The following HLF variants were observed in gnomAD, a reference collection of about 807,000 sequenced individuals.
The protein encoded by HLF is HLF transcription factor, PAR bZIP family member.
HLF carries 3 observed loss-of-function variants against 22.6 expected under a neutral mutation model. That is an observed-to-expected ratio of 0.13 (90% CI 0.06 to 0.34). The LOEUF (loss-of-function observed/expected upper bound fraction) is 0.34. Among genes scored for constraint, HLF ranks in the 10% least tolerant of loss-of-function variants. The pLI is 1.00. For synonymous variants in HLF, 151 were observed against 151.8 expected, an observed-to-expected ratio of 0.99 and a Z score of 0.04; for missense variants, 299 against 389.2, an observed-to-expected ratio of 0.77 and a Z score of 1.95.
At chr17:55,310,186 C>T (rs1176957605) in intron 2 of HLF, among the ~76,000 whole-genome samples, 3 of 152,118 alleles carry the variant, frequency 2.0e-5, no homozygotes, top group Non-Finnish European at 4.4e-5. Context: ...CTCCTTGGTT[C>T]TTCTGGAAGT....
In HLF at chr17:55,324,908, G is replaced by C; in HGVS notation, c.*4029G>C. ...CATAACAATAATCCATTATCCTTTT[G>C]GCAACACCACAAAGATCGCATCTGT... On this transcript the variant is annotated 3_prime_UTR_variant, in exon 4 of 4. Coordinates refer to ENST00000226067, the MANE Select transcript of HLF (RefSeq NM_002126.5). The C allele has an allele frequency of 4.3e-6, 1 of 231,522 alleles. No homozygotes were observed. Among genetic ancestry groups the C allele is most frequent in the Non-Finnish European group, 8.6e-6 (1 of 116,870 alleles). 14.3% of individuals were successfully genotyped at this position (231,522 alleles called of 1,614,324 possible). A position where few individuals can be genotyped will look rare whatever the true frequency, so the allele number is the denominator to read the frequency against.
At chr17:55,265,942 G>T in intron 1 of HLF, 4 of 832,874 alleles carry the variant, frequency 4.8e-6, no homozygotes, top group Non-Finnish European at 5.9e-6. Flanking sequence ...GCCCGCCTGC[G>T]GAGGGCAGAG....
At chr17:55,301,097 C>T (rs2081153792) in intron 2 of HLF, among the ~76,000 whole-genome samples, 1 of 152,244 alleles carries the variant, frequency 6.6e-6, no homozygotes, top group South Asian at 2.1e-4. Flanking sequence ...AGGATGGCAA[C>T]TCCCTCTGAG....
Position 55,265,374 on chromosome 17 carries a change from G to C in HLF, c.-111G>C, listed in dbSNP as rs897439894. ...TTTCTTCCCTTTTCTCCACCGCCTT[G>C]AGAGCGAGTACTTTTGGCAAAGGAC... On this transcript the variant is annotated 5_prime_UTR_variant, in exon 1 of 4. Coordinates refer to ENST00000226067, the MANE Select transcript of HLF (RefSeq NM_002126.5). 3.0e-6 allele frequency: 2 copies of C among 663,106 alleles called. No homozygotes were observed. Among genetic ancestry groups the C allele is most frequent in the African/African-American group, 3.7e-5 (2 of 53,824 alleles). 41.1% of individuals were successfully genotyped at this position (663,106 alleles called of 1,614,324 possible).
intron 2 of HLF, among the ~76,000 whole-genome samples, chr17:55,302,773 G>A (rs1904356870): frequency 6.6e-6 from 1 of 152,104 alleles, no homozygotes; most frequent in South Asian, 2.1e-4. Context: ...AAGACTCCAG[G>A]GACCTAGGTG....
At chr17:55,309,791 C>G (rs528861570) in intron 2 of HLF, among the ~76,000 whole-genome samples, 8 of 152,322 alleles carry the variant, frequency 5.3e-5, no homozygotes, top group Non-Finnish European at 1.2e-4. Context: ...GCTTTATTAA[C>G]TGCCTGAATG....
Position 55,265,399 on chromosome 17 carries a change from C to A in HLF, c.-86C>A. 2.5e-6 allele frequency: 2 copies of A among 788,462 alleles called. No individual in the cohort carries two copies. Among genetic ancestry groups the A allele is most frequent in the Non-Finnish European group, 4.3e-6 (2 of 465,438 alleles). 48.8% of individuals were successfully genotyped at this position (788,462 alleles called of 1,614,324 possible). A position where few individuals can be genotyped will look rare whatever the true frequency, so the allele number is the denominator to read the frequency against. ...GAGAGCGAGTACTTTTGGCAAAGGA[C>A]GGAGGAAAAGCTCAGCAACATTTTA... On this transcript the variant is annotated 5_prime_UTR_variant, in exon 1 of 4. Coordinates refer to ENST00000226067, the MANE Select transcript of HLF (RefSeq NM_002126.5).
At chr17:55,284,911 G>T (rs1024655585) in intron 2 of HLF, among the ~76,000 whole-genome samples, 4 of 152,134 alleles carry the variant, frequency 2.6e-5, no homozygotes, top group Admixed American at 2.6e-4. Context: ...CCTCAACCTA[G>T]GAACCTCCTC....
chr17:55,280,765 T>A (rs1056626503), intron 2 of HLF, among the ~76,000 whole-genome samples: 2 of 152,166 alleles, frequency 1.3e-5, no homozygotes, highest in Non-Finnish European at 2.9e-5. Context: ...CTCAAATACA[T>A]AATTCTTAAC....
intron 2 of HLF, among the ~76,000 whole-genome samples, chr17:55,289,590 G>A (rs1304663635): frequency 1.3e-5 from 2 of 152,074 alleles, no homozygotes; most frequent in African/African-American, 4.8e-5. Context: ...CTATGACAAG[G>A]CATTTGAAAA....
At chr17:55,309,414 G>A (rs1297334280) in intron 2 of HLF, among the ~76,000 whole-genome samples, 1 of 152,194 alleles carries the variant, frequency 6.6e-6, no homozygotes, top group African/African-American at 2.4e-5. Flanking sequence ...TCAGAGGCAG[G>A]CATGGTTTGT....
At chr17:55,293,088 G>A (rs1156237645) in intron 2 of HLF, among the ~76,000 whole-genome samples, 1 of 152,152 alleles carries the variant, frequency 6.6e-6, no homozygotes, top group Non-Finnish European at 1.5e-5. Context: ...ACAGTAGGGT[G>A]ACTATAGTTA....
At chr17:55,272,340 TA>T (rs2080865737) in intron 2 of HLF, 1 of 152,258 alleles carries the variant, frequency 6.6e-6, no homozygotes, top group Non-Finnish European at 1.5e-5. Context: ...AAGGCAGAGT[TA>T]TTTTTATATT....
intron 2 of HLF, among the ~76,000 whole-genome samples, chr17:55,282,515 G>A (rs765756594): frequency 7.2e-5 from 11 of 152,136 alleles, no homozygotes; most frequent in African/African-American, 1.7e-4. Flanking sequence ...GCTTTTAGGC[G>A]GCAAGAGATG....
chr17:55,268,949 A>G (rs1198442502), intron 2 of HLF, among the ~76,000 whole-genome samples: 3 of 152,198 alleles, frequency 2.0e-5, no homozygotes, highest in African/African-American at 7.2e-5. Context: ...TGTAGTACCA[A>G]ATGAACAGGA....
chr17:55,279,966 G>C (rs2080939199), intron 2 of HLF, among the ~76,000 whole-genome samples: 1 of 152,266 alleles, frequency 6.6e-6, no homozygotes, highest in South Asian at 2.1e-4. Flanking sequence ...AAGGTGGTGG[G>C]ATCTACCAGC....
Position 55,324,508 on chromosome 17 carries a change from C to T in HLF, c.*3629C>T, listed in dbSNP as rs548585239. On this transcript the variant is annotated 3_prime_UTR_variant, in exon 4 of 4. Transcript: ENST00000226067. ...CAATCTTTATCACAGTCAATTAGAG[C>T]GATCCCAAGGCATGGGACCAGGCCT... The T allele has an allele frequency of 1.5e-3, 349 of 231,514 alleles. 3 individuals carry two copies. Among genetic ancestry groups the T allele is most frequent in the Middle Eastern group, 1.3e-3 (1 of 780 alleles). The allele number at this position is 231,514 out of a possible 1,614,324, so 14.3% of individuals were successfully genotyped here. A position where few individuals can be genotyped will look rare whatever the true frequency, so the allele number is the denominator to read the frequency against.
At chr17:55,270,678 T>TG (rs2080843698) in intron 2 of HLF, among the ~76,000 whole-genome samples, 1 of 105,462 alleles carries the variant, frequency 9.5e-6, no homozygotes, top group East Asian at 2.9e-4. Context: ...TTTTTTTTTT[T>TG]GAGACGGAGT....
chr17:55,267,889 A>G lies in HLF; in HGVS notation c.254A>G (p.Tyr85Cys), dbSNP rs1247123189. The G allele has an allele frequency of 6.2e-7, 1 of 1,614,026 alleles. No individual in the cohort carries two copies. The highest frequency in any genetic ancestry group is 2.2e-5 in the East Asian group (1 of 44,888). Residue 85 changes from tyrosine (Y) to cysteine (C), a missense_variant, in exon 2 of 4, where the codon TAC becomes TGC. By Grantham distance (194) the Tyr-to-Cys change is radical (BLOSUM62 -2). This residue lies in a region of HLF where 224 missense variants were observed against 298.1 expected (regional missense o/e 0.75). Coordinates refer to ENST00000226067, the MANE Select transcript of HLF (RefSeq NM_002126.5). ...PYDGDTFQLEYMDLEEFLSEN... is the reference protein window; with the variant it reads ...PYDGDTFQLECMDLEEFLSEN... ...GACGGAGATACTTTCCAGTTGGAAT[A>G]CATGGACCTGGAGGAGTTTTTGTCA... is the stretch of plus-strand genomic sequence containing the variant.
Sources: gnomAD v4.1 joint callset for allele counts (sites outside exome capture counted in the v4.1 genomes callset) on GRCh38, gnomAD v4.1.1 for gene constraint, gnomAD v4.1.1 regional missense constraint, MANE v1.5 for transcripts, NCBI Gene and HGNC (gene_info 2026-07-23, HGNC 2026-07-21) for gene names.